Variants in RUNX1 observed in about 807,000 individuals in gnomAD.
RUNX1 encodes RUNX family transcription factor 1.
Under a neutral mutation model 42.8 loss-of-function variants are expected in RUNX1, and 19 were observed. That is an observed-to-expected ratio of 0.44 (90% CI 0.31 to 0.65). The LOEUF is 0.65. RUNX1 is among the 30% of genes least tolerant of loss of function. RUNX1 has a pLI of 0.07. For missense variants in RUNX1, 528 were observed against 672.0 expected, an observed-to-expected ratio of 0.79 and a Z score of 2.37; for synonymous variants, 271 against 289.4, an observed-to-expected ratio of 0.94 and a Z score of 0.64.
chr21:35,013,436 A>G (rs1338321742), intron 2 of RUNX1, among the ~76,000 whole-genome samples: 1 of 152,254 alleles, frequency 6.6e-6, no homozygotes, highest in Non-Finnish European at 1.5e-5. Flanking sequence ...ACAGGAAGAA[A>G]TGGCTACCAG....
chr21:34,869,780 A>G (rs978721062), intron 5 of RUNX1, among the ~76,000 whole-genome samples: 2 of 152,192 alleles, frequency 1.3e-5, no homozygotes, highest in Non-Finnish European at 2.9e-5. Flanking sequence ...GGAGGCAGCA[A>G]TGATCACTCA....
chr21:34,814,284 G>GT (rs2056795727), intron 7 of RUNX1, among the ~76,000 whole-genome samples: 1 of 152,154 alleles, frequency 6.6e-6, no homozygotes, highest in Non-Finnish European at 1.5e-5. Flanking sequence ...AGGGATGGAA[G>GT]TTACCATTCC....
At chr21:34,911,519 C>T (rs1173652639) in intron 2 of RUNX1, among the ~76,000 whole-genome samples, 1 of 152,184 alleles carries the variant, frequency 6.6e-6, no homozygotes, top group Non-Finnish European at 1.5e-5. Flanking sequence ...AGAGGAACAG[C>T]CTCTGCAGCC....
intron 2 of RUNX1, among the ~76,000 whole-genome samples, chr21:34,943,731 A>G (rs1425630532): frequency 6.6e-6 from 1 of 152,200 alleles, no homozygotes; most frequent in Non-Finnish European, 1.5e-5. Context: ...TCAAGTAAAA[A>G]TTACCTGATT....
At chr21:34,816,047 C>A (rs377001964) in intron 7 of RUNX1, among the ~76,000 whole-genome samples, 2 of 152,102 alleles carry the variant, frequency 1.3e-5, no homozygotes, top group African/African-American at 4.8e-5. Context: ...GGCTCTCCCC[C>A]CAGGTTCCCA....
intron 7 of RUNX1, among the ~76,000 whole-genome samples, chr21:34,817,700 G>A (rs1411956301): frequency 2.6e-5 from 4 of 152,206 alleles, no homozygotes; most frequent in Non-Finnish European, 4.4e-5. Context: ...GCAGTAAAGA[G>A]TGGTTTTTGA....
At chr21:35,021,324 G>A (rs904404943) in intron 2 of RUNX1, among the ~76,000 whole-genome samples, 5 of 152,194 alleles carry the variant, frequency 3.3e-5, no homozygotes, top group Admixed American at 6.5e-5. Context: ...GGCACATAGC[G>A]AGCGAGCACT....
chr21:34,849,323 T>C (rs796185917), intron 6 of RUNX1, among the ~76,000 whole-genome samples: 1 of 33,128 alleles, frequency 3.0e-5, no homozygotes, highest in Non-Finnish European at 5.9e-5. Flanking sequence ...TATATATATA[T>C]TATATATACT....
Position 34,789,663 on chromosome 21 carries a change from TTTGA to T in RUNX1, c.*2468_*2471del, listed in dbSNP as rs1217518357. On this transcript the variant is annotated 3_prime_UTR_variant, in exon 9 of 9. Transcript: ENST00000675419. ...AGACCTATCGCCAAAACAACTACAG[TTTGA>T]TTTTTTTTGAAACAATTAAATACTA... 4.7e-5 allele frequency: 11 copies of T among 232,988 alleles called. No homozygotes were observed. Among genetic ancestry groups the T allele is most frequent in the East Asian group, 3.6e-4 (6 of 16,580 alleles). 14.4% of individuals were successfully genotyped at this position (232,988 alleles called of 1,614,324 possible).
intron 2 of RUNX1, among the ~76,000 whole-genome samples, chr21:34,924,929 T>C (rs575115461): frequency 3.3e-5 from 5 of 151,562 alleles, no homozygotes; most frequent in East Asian, 1.9e-4. Flanking sequence ...AGCTCTCATG[T>C]CTCTTGTTAT....
intron 2 of RUNX1, among the ~76,000 whole-genome samples, chr21:34,906,020 T>C (rs1426082317): frequency 2.0e-5 from 3 of 152,266 alleles, no homozygotes; most frequent in Non-Finnish European, 4.4e-5. Flanking sequence ...TTTATTTTGC[T>C]ATGAACAAAA....
rs113782424 is a variant in RUNX1, at chr21:34,999,376, A to G, written c.58+49466T>C. 8.8e-3 allele frequency among the ~76,000 whole-genome samples: 1,343 copies of G among 152,332 alleles called. 18 individuals carry two copies. The highest frequency in any genetic ancestry group is 0.031 in the African/African-American group (1,285 of 41,568). On this transcript the variant is annotated intron_variant, in intron 2 of 8. Transcript: ENST00000675419. Reference sequence around the variant, plus strand: ...GGAAGTGTTGCTATCTGTGTTTTATAGGTGACAAAACCAAGATACATCAAG... The same window carrying G: ...GGAAGTGTTGCTATCTGTGTTTTATGGGTGACAAAACCAAGATACATCAAG...
chr21:34,989,947 G>T (rs960272653), intron 2 of RUNX1, among the ~76,000 whole-genome samples: 7 of 152,206 alleles, frequency 4.6e-5, no homozygotes, highest in Admixed American at 2.6e-4. Flanking sequence ...CTCCTCATGG[G>T]TTGGGGACGG....
At chr21:35,016,861 G>A (rs1019003239) in intron 2 of RUNX1, among the ~76,000 whole-genome samples, 14 of 149,512 alleles carry the variant, frequency 9.4e-5, no homozygotes, top group African/African-American at 3.4e-4. Flanking sequence ...AGAATCTCTG[G>A]GACTTGCAGT....
rs2056432617 is a variant in RUNX1 at position 34,791,429 on chromosome 21, T to C, written c.*706A>G. 4.3e-6 allele frequency: 1 copy of C among 232,392 alleles called. No homozygotes were observed. Among genetic ancestry groups the C allele is most frequent in the Non-Finnish European group, 8.5e-6 (1 of 117,612 alleles). 14.4% of individuals were successfully genotyped at this position (232,392 alleles called of 1,614,324 possible). A position where few individuals can be genotyped will look rare whatever the true frequency, so the allele number is the denominator to read the frequency against. On this transcript the variant is annotated 3_prime_UTR_variant, in exon 9 of 9. Transcript: ENST00000675419. The stretch of plus-strand genomic sequence containing the variant: ...TAAAAATGACCCAAAGCTGTAGCTG[T>C]TTCTCAAAAAAACAAAACAAAACAA...
intron 2 of RUNX1, among the ~76,000 whole-genome samples, chr21:34,964,220 G>A (rs2058701860): frequency 6.6e-6 from 1 of 152,190 alleles, no homozygotes. Flanking sequence ...CGGGCACGGT[G>A]GCTCACGCCT....
chr21:34,934,783 C>T (rs2058473365), intron 2 of RUNX1, among the ~76,000 whole-genome samples: 1 of 151,986 alleles, frequency 6.6e-6, no homozygotes, highest in African/African-American at 2.4e-5. Flanking sequence ...GAAAAGAGGC[C>T]ATGAGGGTGT....
rs867113543 is a variant in RUNX1, at chr21:34,799,237, C to T, written c.967+64G>A. On this transcript the variant is annotated intron_variant, in intron 8 of 8. Coordinates refer to ENST00000675419, the MANE Select transcript of RUNX1 (RefSeq NM_001754.5). ...AATGTTCTGCCAACTCCTTCATGCA[C>T]CTCTAGTCTCCTGGACCTTCCACCC... The T allele has an allele frequency of 5.1e-5, 80 of 1,558,746 alleles. No homozygotes were observed. The Middle Eastern group carries it at 2.5e-3, about 49-fold the overall frequency.
At chr21:34,864,625 C>T (rs941436601) in intron 5 of RUNX1, among the ~76,000 whole-genome samples, 1 of 152,160 alleles carries the variant, frequency 6.6e-6, no homozygotes, top group African/African-American at 2.4e-5. Flanking sequence ...GGGGCCACCA[C>T]GGGGTCACAG....
Sources: allele counts gnomAD v4.1 joint callset (sites outside exome capture counted in the v4.1 genomes callset), GRCh38; gene constraint gnomAD v4.1.1; transcripts MANE v1.5; gene names NCBI Gene and HGNC (gene_info 2026-07-23, HGNC 2026-07-21).